ICE1: variants seen among roughly 807,000 people sequenced by gnomAD.
The protein encoded by ICE1 is little elongation complex subunit 1.
Under a neutral mutation model 192.7 loss-of-function variants are expected in ICE1, and 64 were observed. That is an observed-to-expected ratio of 0.33 (90% CI 0.27 to 0.41). The LOEUF (loss-of-function observed/expected upper bound fraction) is 0.41. ICE1 is among the 10% of genes least tolerant of loss of function. The probability of loss-of-function intolerance (pLI) is 1.00; values close to 1 mark genes in which losing one functional copy is unlikely to be tolerated. For missense variants in ICE1, 2,708 were observed against 2,696.0 expected (o/e 1.00, Z -0.10); for synonymous variants, 1,010 against 984.5 (o/e 1.03, Z -0.49).
chr5:5,435,673 G>GTTT (rs371635237), intron 1 of ICE1, among the ~76,000 whole-genome samples: 1 of 59,302 alleles, frequency 1.7e-5, no homozygotes, highest in Non-Finnish European at 3.3e-5. Flanking sequence ...TTTTTTTTTT[G>GTTT]TTTTGTTTTT....
At position 5,462,173 on chromosome 5, in the gene ICE1, G is replaced by C; in HGVS notation, c.2839G>C (p.Glu947Gln). ...TTCTCCAGGTGGTTCTTCACCAGTA[G>C]AAAATTCTGATTGTTCCACAAATAG... ...FNSPGGSSPVENSDCSTNSRL... is the reference protein window; with the variant it reads ...FNSPGGSSPVQNSDCSTNSRL... Residue 947 changes from glutamate to glutamine, a missense_variant, in exon 13 of 19, where the codon GAA (glutamate) becomes CAA (glutamine). Glu to Gln is a conservative substitution (Grantham distance 29, BLOSUM62 2). Coordinates refer to ENST00000296564, the MANE Select transcript of ICE1 (RefSeq NM_015325.3). 1.2e-6 allele frequency: 2 copies of C among 1,612,958 alleles called. No homozygotes were observed. Among genetic ancestry groups the C allele is most frequent in the South Asian group, 2.2e-5 (2 of 90,960 alleles).
intron 12 of ICE1, 51 bp from the exon 13 acceptor site, chr5:5,460,385 A>G (rs1738730952): frequency 2.8e-6 from 3 of 1,078,264 alleles, no homozygotes; most frequent in Non-Finnish European, 4.0e-6. Context: ...ATTGATAGTC[A>G]TGTTAATCTG....
chr5:5,431,031 G>A lies in ICE1; in HGVS notation c.85-5387G>A, dbSNP rs149911487. On this transcript the variant is annotated intron_variant, in intron 1 of 18. Transcript: ENST00000296564. ...TCTGTAAAACTGATGAAATAGTTTCGAGGCAGGGGAGAGGTTAAATAAATT... is the reference window on the plus strand; with the variant it reads ...TCTGTAAAACTGATGAAATAGTTTCAAGGCAGGGGAGAGGTTAAATAAATT... 1.8e-4 allele frequency among the ~76,000 whole-genome samples: 27 copies of A among 152,108 alleles called. 1 individual carries two copies. The East Asian group carries it at 5.2e-3, about 29-fold the overall frequency.
At chr5:5,468,412 T>C (rs1001358862) in intron 14 of ICE1, among the ~76,000 whole-genome samples, 4 of 151,590 alleles carry the variant, frequency 2.6e-5, no homozygotes. Context: ...TTCAATTAAT[T>C]TTTAAAAAAG....
At chr5:5,468,428 AAG>A (rs1289004259) in intron 14 of ICE1, among the ~76,000 whole-genome samples, 1 of 137,466 alleles carries the variant, frequency 7.3e-6, no homozygotes, top group African/African-American at 2.9e-5. Context: ...AAAAGAGACA[AAG>A]AGTGTAGGAG....
At chr5:5,432,767 C>A (rs1737759756) in intron 1 of ICE1, among the ~76,000 whole-genome samples, 1 of 152,024 alleles carries the variant, frequency 6.6e-6, no homozygotes, top group South Asian at 2.1e-4. Context: ...CTGAATATTC[C>A]TTTCAAAAAT....
At chr5:5,466,216 G>A (rs1173219426) in intron 13 of ICE1, 118 bp from the exon 14 acceptor site, 1 of 846,692 alleles carries the variant, frequency 1.2e-6, no homozygotes, top group Non-Finnish European at 1.7e-6. Context: ...ACCTTCTGAT[G>A]TAGCGCAAGT....
rs1407229067 is a variant in ICE1 at position 5,489,153 on chromosome 5, A to T, written c.6624A>T (p.Ile2208=). Residue 2208 remains isoleucine (I), a synonymous_variant, in exon 19 of 19, where the codon ATA becomes ATT. Coordinates refer to ENST00000296564, the MANE Select transcript of ICE1 (RefSeq NM_015325.3). ...MFIQHAHDED[I]PWGIQLAAVY... ...TGATCTGAAATTTCTTTTCAGATAT[A>T]CCATGGGGTATACAGTTAGCAGCCG... 1 of 1,613,420 alleles carries T rather than the reference A, an allele frequency of 6.2e-7. No homozygotes were observed. Among genetic ancestry groups the T allele is most frequent in the South Asian group, 1.1e-5 (1 of 90,996 alleles).
chr5:5,444,321 T>G lies in ICE1; in HGVS notation c.419T>G (p.Leu140Arg). The G allele has an allele frequency of 6.4e-7, 1 of 1,566,942 alleles. No homozygotes were observed. The highest frequency in any genetic ancestry group is 8.7e-7 in the Non-Finnish European group (1 of 1,153,758). The change falls in exon 7 of 19, where the codon CTG becomes CGG. Residue 140 changes from leucine to arginine, a missense_variant. By Grantham distance (102) the Leu-to-Arg change is moderately radical. Around this residue, in one of 2 missense-constraint regions of ICE1, gnomAD observed 2,366 missense variants for 2,276.6 expected, o/e 1.04. Transcript: ENST00000296564. The part of the protein sequence containing the change: ...KKKLEAKVKK[L>R]QEAAVKQTQD... ...AAACTAGAAGCTAAGGTGAAGAAGC[T>G]GCAAGGTAAGTGGCACTATTGTTAC...
chr5:5,455,616 AT>A (rs1262234421), intron 11 of ICE1, among the ~76,000 whole-genome samples: 2 of 152,212 alleles, frequency 1.3e-5, no homozygotes, highest in Non-Finnish European at 2.9e-5. Flanking sequence ...AGGGGTAAAT[AT>A]ATTACGTTAA....
chr5:5,464,940 A>AT lies in ICE1; in HGVS notation c.5606_5607insT (p.Lys1869AsnfsTer11). The AT allele has an allele frequency of 6.2e-7, 1 of 1,613,640 alleles. No individual in the cohort carries two copies. The highest frequency in any genetic ancestry group is 8.5e-7 in the Non-Finnish European group (1 of 1,179,716). ...GGAGTCACTGCAGAAGGAATCCACA[A>AT]AAACCTCCCAGGGAACCTCCCTCCA... On this transcript the variant is annotated frameshift_variant, in exon 13 of 19. Transcript: ENST00000296564. LOFTEE classifies it high-confidence loss of function. The surrounding 1 kb of genome is among the most constrained non-coding windows in gnomAD (Gnocchi z 4.0).
At chr5:5,454,708 C>T (rs1738537156) in intron 11 of ICE1, 70 bp downstream of exon 11, 16 of 1,128,324 alleles carry the variant, frequency 1.4e-5, no homozygotes, top group South Asian at 2.8e-5. Flanking sequence ...GCATAGCAGC[C>T]GTTACTTTTT....
Position 5,461,773 on chromosome 5 carries a change from G to T in ICE1, c.2439G>T (p.Gln813His), listed in dbSNP as rs771184166. The T allele has an allele frequency of 3.0e-5, 49 of 1,613,754 alleles. No homozygotes were observed. The Admixed American group carries it at 8.0e-4, about 26-fold the overall frequency. The change falls in exon 13 of 19, where the codon CAG becomes CAT. Residue 813 changes from glutamine to histidine, a missense_variant. By Grantham distance (24) the Gln-to-His change is conservative (BLOSUM62 0). Transcript: ENST00000296564. ...TGAGAGCCAAATCAGAACATGAACA[G>T]AAGACTAGCCATCAGTTACAAAAGG... ...ESLRAKSEHE[Q>H]KTSHQLQKAM...
rs537938775 is a variant in ICE1, at chr5:5,463,924, C to G, written c.4590C>G (p.Phe1530Leu). The G allele has an allele frequency of 6.2e-6, 10 of 1,613,746 alleles. 1 individual carries two copies. In the South Asian group the frequency reaches 1.1e-4, roughly 18 times the overall value. Residue 1530 changes from phenylalanine (F) to leucine (L), a missense_variant, in exon 13 of 19, where the codon TTC becomes TTG. By Grantham distance (22) the Phe-to-Leu change is conservative. This residue lies in a region of ICE1 where 2,366 missense variants were observed against 2,276.6 expected (regional missense o/e 1.04). Coordinates refer to ENST00000296564, the MANE Select transcript of ICE1 (RefSeq NM_015325.3). Reference sequence around the variant, plus strand: ...GTTCTCAAATCTATGATCAAAACTTCGAGACTCAGATTGTTGCGTCTGATC... The same window carrying G: ...GTTCTCAAATCTATGATCAAAACTTGGAGACTCAGATTGTTGCGTCTGATC... Reference protein sequence around the residue: ...WISSQIYDQNFETQIVASDHT... With the variant: ...WISSQIYDQNLETQIVASDHT...
At chr5:5,444,438 A>G (rs1450015695) in intron 7 of ICE1, 112 bp downstream of exon 7, 24 of 726,908 alleles carry the variant, frequency 3.3e-5, no homozygotes, top group Non-Finnish European at 5.1e-5. Flanking sequence ...TTTTGATGGT[A>G]CATCCATGGA....
chr5:5,442,573 G>A (rs912674004), intron 5 of ICE1, among the ~76,000 whole-genome samples: 1 of 152,172 alleles, frequency 6.6e-6, no homozygotes, highest in Non-Finnish European at 1.5e-5. Flanking sequence ...CTTTGGAAGA[G>A]CAAGTCATCC....
intron 2 of ICE1, 63 bp downstream of exon 2, chr5:5,436,539 C>T (rs1031409115): frequency 1.9e-5 from 19 of 1,023,594 alleles, no homozygotes; most frequent in South Asian, 8.2e-5. Context: ...CTGAAGCAGG[C>T]GGTGCTTTTA....
intron 1 of ICE1, among the ~76,000 whole-genome samples, chr5:5,435,908 A>C (rs907501372): frequency 6.6e-6 from 1 of 151,962 alleles, no homozygotes; most frequent in African/African-American, 2.4e-5. Flanking sequence ...GACCTCAGGT[A>C]ATCCGCCTCA....
intron 12 of ICE1, among the ~76,000 whole-genome samples, 163 bp from the exon 13 acceptor site, chr5:5,460,273 G>C (rs1738727845): frequency 6.6e-6 from 1 of 152,206 alleles, no homozygotes; most frequent in Non-Finnish European, 1.5e-5. Flanking sequence ...ACCAAAGCTG[G>C]AGAACTCCCC....
Sources: gnomAD v4.1 joint callset for allele counts (sites outside exome capture counted in the v4.1 genomes callset) on GRCh38, gnomAD v4.1.1 for gene constraint, gnomAD v4.1.1 regional missense constraint, Gnocchi (gnomAD v3.1) non-coding constraint, MANE v1.5 for transcripts, NCBI Gene and HGNC (gene_info 2026-07-23, HGNC 2026-07-21) for gene names.